Variants in ATL1 observed in about 807,000 individuals in gnomAD.
The protein encoded by ATL1 is atlastin GTPase 1.
A neutral mutation model predicts 75.5 loss-of-function variants in ATL1; 31 were observed. The ratio of observed to expected loss-of-function variants is 0.41; its 90% confidence interval spans 0.31 to 0.55. ATL1 has a LOEUF of 0.55. Among genes scored for constraint, ATL1 ranks in the 20% least tolerant of loss-of-function variants. ATL1 has a pLI of 0.27. For missense variants in ATL1, 405 were observed against 662.6 expected, an observed-to-expected ratio of 0.61 and a Z score of 4.27; for synonymous variants, 226 against 233.3, an observed-to-expected ratio of 0.97 and a Z score of 0.28.
intron 1 of ATL1, 137 bp downstream of exon 1, chr14:50,560,436 G>T (rs1191061915): frequency 1.7e-6 from 2 of 1,192,636 alleles, no homozygotes; most frequent in East Asian, 5.2e-5. Context: ...TAGCCGAGCC[G>T]CTCCCTGTTT....
intron 4 of ATL1, among the ~76,000 whole-genome samples, chr14:50,592,518 T>C (rs1013231589): frequency 7.1e-6 from 1 of 140,652 alleles, no homozygotes; most frequent in African/African-American, 2.5e-5. Flanking sequence ...ATTTATTAAA[T>C]AAAGGACTTT....
chr14:50,629,970 T>C (rs2039564009), intron 12 of ATL1, 25 bp from the exon 13 acceptor site: 7 of 1,482,428 alleles, frequency 4.7e-6, no homozygotes, highest in Non-Finnish European at 6.5e-6. Flanking sequence ...TTTTCTTTTT[T>C]CTTTTTAATC....
At chr14:50,556,930 A>C (rs773584226), upstream of ATL1, among the ~76,000 whole-genome samples, 3 of 152,184 alleles carry the variant, frequency 2.0e-5, no homozygotes, top group Non-Finnish European at 2.9e-5. Flanking sequence ...CCTTTTGGCT[A>C]TTATGAATAA....
At chr14:50,560,419 C>T (rs907200686) in intron 1 of ATL1, 120 bp downstream of exon 1, 40 of 1,326,314 alleles carry the variant, frequency 3.0e-5, no homozygotes, top group Non-Finnish European at 4.0e-5. Flanking sequence ...GGCTGGGAGA[C>T]GGGCCGTAGC....
At chr14:50,534,295 G>A (rs2038464245) in intron 1 of ATL1, among the ~76,000 whole-genome samples, 2 of 152,238 alleles carry the variant, frequency 1.3e-5, no homozygotes, top group South Asian at 4.1e-4. Flanking sequence ...TTAAAGAGAA[G>A]GAAAATACGA....
At chr14:50,585,958 C>T (rs1003799663) in intron 1 of ATL1, among the ~76,000 whole-genome samples, 3 of 152,128 alleles carry the variant, frequency 2.0e-5, no homozygotes, top group Non-Finnish European at 4.4e-5. Context: ...ATACTTATCT[C>T]TACTCATGCA....
intron 1 of ATL1, among the ~76,000 whole-genome samples, chr14:50,563,132 A>G (rs960871710): frequency 9.2e-5 from 14 of 152,218 alleles, no homozygotes; most frequent in African/African-American, 3.4e-4. Context: ...TACAGTTTCA[A>G]TGCATATTCA....
intron 11 of ATL1, 66 bp downstream of exon 11, chr14:50,623,314 T>C (rs2140234934): frequency 7.5e-7 from 1 of 1,331,696 alleles, no homozygotes; most frequent in East Asian, 2.4e-5. Flanking sequence ...ACTCATTCTC[T>C]TTTTTCTTCC....
At chr14:50,615,829 G>A (rs749656912) in intron 8 of ATL1, among the ~76,000 whole-genome samples, 11 of 152,160 alleles carry the variant, frequency 7.2e-5, no homozygotes, top group Non-Finnish European at 1.2e-4. Context: ...GAGGAGGGGT[G>A]CGCCTTCAAC....
chr14:50,587,742 G>C lies in ATL1; in HGVS notation c.35-89G>C. 1.9e-6 allele frequency: 3 copies of C among 1,544,762 alleles called. No individual in the cohort carries two copies. The South Asian group carries it at 3.4e-5, about 17-fold the overall frequency. On this transcript the variant is annotated intron_variant, in intron 1 of 13. Coordinates refer to ENST00000358385, the MANE Select transcript of ATL1 (RefSeq NM_015915.5). ...GCATTTATAATTCCAGTATGCTCCT[G>C]TGTCGGATGTTTGAGAGTTAAGAGG...
intron 1 of ATL1, among the ~76,000 whole-genome samples, chr14:50,565,815 G>T (rs1012663574): frequency 6.6e-6 from 1 of 152,090 alleles, no homozygotes; most frequent in African/African-American, 2.4e-5. Flanking sequence ...GATTTGGAAG[G>T]TCTTCCTCTT....
chr14:50,569,831 G>T (rs893404180), intron 1 of ATL1, among the ~76,000 whole-genome samples: 3 of 152,104 alleles, frequency 2.0e-5, no homozygotes, highest in African/African-American at 7.2e-5. Context: ...ATTTTTAGTT[G>T]ACAGGTTTTT....
Position 50,587,859 on chromosome 14 carries a change from G to A in ATL1, c.63G>A (p.Trp21Ter). Reference sequence around the variant, plus strand: ...GATTTTCGGAAAAGACATATGAATGGAGCTCAGAAGAGGAGGAGCCAGTGA... The same window carrying A: ...GATTTTCGGAAAAGACATATGAATGAAGCTCAGAAGAGGAGGAGCCAGTGA... ...WGGFSEKTYE[W>*]SSEEEEPVKK... The change falls in exon 2 of 14, where the codon TGG (tryptophan) becomes TGA (stop). Residue 21 changes from tryptophan (W) to a stop codon, truncating the protein, a stop_gained. Transcript: ENST00000358385. LOFTEE classifies it high-confidence loss of function. The A allele has an allele frequency of 6.2e-7, 1 of 1,614,164 alleles. No individual in the cohort carries two copies. Among genetic ancestry groups the A allele is most frequent in the Non-Finnish European group, 8.5e-7 (1 of 1,180,036 alleles).
At chr14:50,582,815 T>C (rs2140196615) in intron 1 of ATL1, among the ~76,000 whole-genome samples, 1 of 152,310 alleles carries the variant, frequency 6.6e-6, no homozygotes, top group South Asian at 2.1e-4. Flanking sequence ...AACTCATTTA[T>C]GAATATACAT....
At position 50,552,266 on chromosome 14, in the gene ATL1, CA is replaced by C. The variant is rs35523342; in HGVS notation, c.-139-7852del. ...TACTCAATCCCTTTTACAACAGCTGCAAAAAAAAATTAATTAAATAAAATAC... is the reference window on the plus strand; with the variant it reads ...TACTCAATCCCTTTTACAACAGCTGCAAAAAAAATTAATTAAATAAAATAC... On this transcript the variant is annotated intron_variant, in intron 1 of 13. Coordinates refer to the ATL1 transcript ENST00000441560. Among the ~76,000 whole-genome samples the C allele has an allele frequency of 1.7e-4, 25 of 150,418 alleles. 1 individual carries two copies. The highest frequency in any genetic ancestry group is 5.6e-4 in the African/African-American group (23 of 40,924).
chr14:50,579,483 C>T (rs1352929583), intron 1 of ATL1, among the ~76,000 whole-genome samples: 1 of 152,102 alleles, frequency 6.6e-6, no homozygotes, highest in Non-Finnish European at 1.5e-5. Context: ...TCCATACAAG[C>T]TTATTAATTT....
At chr14:50,608,102 C>T (rs1480871086) in intron 6 of ATL1, among the ~76,000 whole-genome samples, 1 of 152,108 alleles carries the variant, frequency 6.6e-6, no homozygotes. Flanking sequence ...AGTTGCCTGG[C>T]TGAATTTAAT....
At chr14:50,549,307 G>C (rs1157911123) in intron 1 of ATL1, among the ~76,000 whole-genome samples, 1 of 152,112 alleles carries the variant, frequency 6.6e-6, no homozygotes, top group Admixed American at 6.5e-5. Flanking sequence ...GCAGCCACAG[G>C]GTGGGCCACA....
At chr14:50,590,620 A>G (rs1216906149) in intron 2 of ATL1, among the ~76,000 whole-genome samples, 1 of 152,120 alleles carries the variant, frequency 6.6e-6, no homozygotes, top group Non-Finnish European at 1.5e-5. Context: ...TATGCATTAT[A>G]TATACTTCCA....
Sources: gnomAD v4.1 joint callset for allele counts (sites outside exome capture counted in the v4.1 genomes callset) on GRCh38, gnomAD v4.1.1 for gene constraint, MANE v1.5 for transcripts, NCBI Gene and HGNC (gene_info 2026-07-23, HGNC 2026-07-21) for gene names.